SGCZ: variants seen among roughly 807,000 people sequenced by gnomAD.
SGCZ encodes the protein zeta-sarcoglycan.
A neutral mutation model predicts 41.3 loss-of-function variants in SGCZ; 40 were observed. The ratio of observed to expected loss-of-function variants is 0.97; its 90% CI spans 0.75 to 1.26. The LOEUF is 1.26. Ranked by LOEUF, SGCZ falls within the 50% of genes most tolerant of loss-of-function variation. The pLI is 0.00. For missense variants in SGCZ, 552 were observed against 369.8 expected (o/e 1.49, Z -4.04); for synonymous variants, 206 against 137.5 (o/e 1.50, Z -3.49).
At chr8:15,183,098 A>G (rs1328627050) in intron 1 of SGCZ, among the ~76,000 whole-genome samples, 4 of 152,208 alleles carry the variant, frequency 2.6e-5, no homozygotes, top group South Asian at 4.1e-4. Flanking sequence ...ATCTCCTAGG[A>G]TAACAATGCC....
At chr8:15,000,976 C>T (rs892581823) in intron 1 of SGCZ, among the ~76,000 whole-genome samples, 13 of 152,186 alleles carry the variant, frequency 8.5e-5, no homozygotes, top group African/African-American at 3.1e-4. Flanking sequence ...CTCAAGACAA[C>T]ATAGCCACTT....
intron 2 of SGCZ, among the ~76,000 whole-genome samples, chr8:14,388,716 A>G (rs1328795746): frequency 6.6e-6 from 1 of 152,088 alleles, no homozygotes; most frequent in African/African-American, 2.4e-5. Flanking sequence ...TGAACAAGCA[A>G]TGATGGAGTT....
At chr8:14,294,530 T>C (rs914255544) in intron 3 of SGCZ, among the ~76,000 whole-genome samples, 4 of 152,120 alleles carry the variant, frequency 2.6e-5, no homozygotes, top group Admixed American at 2.0e-4. Context: ...ACCAAAATCA[T>C]GAACCATAAA....
At chr8:14,724,139 T>A (rs1364355036) in intron 1 of SGCZ, among the ~76,000 whole-genome samples, 2 of 152,166 alleles carry the variant, frequency 1.3e-5, no homozygotes, top group Non-Finnish European at 2.9e-5. Flanking sequence ...TCTTTAGTAA[T>A]CATTCCAAGT....
intron 1 of SGCZ, among the ~76,000 whole-genome samples, chr8:14,704,909 G>A (rs1334974872): frequency 1.3e-5 from 2 of 151,862 alleles, no homozygotes; most frequent in Non-Finnish European, 2.9e-5. Flanking sequence ...TATAAGAATC[G>A]ATGCAACTAT....
At chr8:14,359,854 GA>G (rs1013691167) in intron 2 of SGCZ, among the ~76,000 whole-genome samples, 10 of 150,414 alleles carry the variant, frequency 6.6e-5, no homozygotes, top group African/African-American at 2.5e-4. Flanking sequence ...GAATACTGAT[GA>G]AAAAACATCA....
At position 14,952,057 on chromosome 8, in the gene SGCZ, T is replaced by A. The variant is rs533150415; in HGVS notation, c.39+285528A>T. The stretch of plus-strand genomic sequence containing the variant: ...GTTCACTCTGCATCTTGAAGTAAAA[T>A]ATTTTTTTCTCAACATTAAGATTTC... On this transcript the variant is annotated intron_variant, in intron 1 of 7. Transcript: ENST00000382080. 5.9e-5 allele frequency among the ~76,000 whole-genome samples: 9 copies of A among 152,232 alleles called. No homozygotes were observed. In the East Asian group the frequency reaches 9.7e-4, roughly 16 times the overall value.
At chr8:14,510,345 C>T (rs1473286729) in intron 2 of SGCZ, among the ~76,000 whole-genome samples, 1 of 151,980 alleles carries the variant, frequency 6.6e-6, no homozygotes, top group East Asian at 1.9e-4. Flanking sequence ...ATTCCACCTC[C>T]CATTGGAATT....
At position 14,326,111 on chromosome 8, in the gene SGCZ, CAAAAA is replaced by C. The variant is rs56152915; in HGVS notation, c.235-1912_235-1908del. Among the ~76,000 whole-genome samples, 20 of 37,908 alleles carry C rather than the reference CAAAAA, an allele frequency of 5.3e-4. 1 individual carries two copies. Among genetic ancestry groups the C allele is most frequent in the Admixed American group, 1.1e-3 (2 of 1,790 alleles). 24.9% of individuals were successfully genotyped at this position (37,908 alleles called of 152,430 possible). Reference sequence around the variant, plus strand: ...TGGGCGAAAGAGTGAGACTCCGTCTCAAAAAAAAAAAAAAAAAAAGATGAGGACGT... The same window carrying C: ...TGGGCGAAAGAGTGAGACTCCGTCTCAAAAAAAAAAAAAAGATGAGGACGT... On this transcript the variant is annotated intron_variant, in intron 2 of 7. Coordinates refer to ENST00000382080, the MANE Select transcript of SGCZ (RefSeq NM_139167.4).
intron 1 of SGCZ, among the ~76,000 whole-genome samples, chr8:14,619,248 G>C (rs1585130038): frequency 6.6e-6 from 1 of 152,074 alleles, no homozygotes; most frequent in Non-Finnish European, 1.5e-5. Context: ...CAACCTTCAT[G>C]CTAAAAACTC....
chr8:14,537,940 T>G (rs976767713), intron 2 of SGCZ, among the ~76,000 whole-genome samples: 1 of 151,904 alleles, frequency 6.6e-6, no homozygotes, highest in Non-Finnish European at 1.5e-5. Flanking sequence ...TTCGTTTGCT[T>G]TGCTTTGTTT....
chr8:14,290,423 T>C (rs1048282995), intron 3 of SGCZ, among the ~76,000 whole-genome samples: 27 of 151,972 alleles, frequency 1.8e-4, no homozygotes, highest in African/African-American at 5.8e-4. Flanking sequence ...GAGAATATAT[T>C]TGACAACTGC....
At chr8:14,994,756 G>T (rs1348982092) in intron 1 of SGCZ, among the ~76,000 whole-genome samples, 1 of 151,980 alleles carries the variant, frequency 6.6e-6, no homozygotes, top group Non-Finnish European at 1.5e-5. Context: ...ATGGATTTAT[G>T]TTCTATTTAT....
At chr8:15,061,040 G>T (rs1303308265) in intron 1 of SGCZ, among the ~76,000 whole-genome samples, 1 of 152,112 alleles carries the variant, frequency 6.6e-6, no homozygotes, top group East Asian at 1.9e-4. Context: ...CATTTCTACT[G>T]GCTATGATTG....
intron 2 of SGCZ, among the ~76,000 whole-genome samples, chr8:14,450,986 T>C (rs76486059): frequency 0.041 from 6,242 of 152,256 alleles, 400 homozygotes; most frequent in African/African-American, 0.14. Context: ...TATGATTCAA[T>C]GTGCTGTGCA....
chr8:14,246,313 G>A (rs1436931236), intron 3 of SGCZ, among the ~76,000 whole-genome samples: 1 of 151,998 alleles, frequency 6.6e-6, no homozygotes, highest in Non-Finnish European at 1.5e-5. Flanking sequence ...GGATGAAACT[G>A]GAAATCATCA....
At chr8:14,773,628 C>G (rs541521739) in intron 1 of SGCZ, among the ~76,000 whole-genome samples, 27 of 152,318 alleles carry the variant, frequency 1.8e-4, no homozygotes, top group African/African-American at 6.5e-4. Context: ...AATCAAATTA[C>G]TTCTCCTCTT....
At chr8:14,510,610 T>C (rs1362267041) in intron 2 of SGCZ, among the ~76,000 whole-genome samples, 6 of 152,114 alleles carry the variant, frequency 3.9e-5, no homozygotes, top group South Asian at 2.1e-4. Flanking sequence ...TCAGATTTTG[T>C]GAGTAAAATA....
chr8:14,980,005 T>A (rs945274372), intron 1 of SGCZ, among the ~76,000 whole-genome samples: 1 of 152,210 alleles, frequency 6.6e-6, no homozygotes, highest in African/African-American at 2.4e-5. Flanking sequence ...GTATCCTTCA[T>A]GACAAACTTA....
Sources: gnomAD v4.1 joint callset for allele counts (sites outside exome capture counted in the v4.1 genomes callset) on GRCh38, gnomAD v4.1.1 for gene constraint, MANE v1.5 for transcripts, NCBI Gene and HGNC (gene_info 2026-07-23, HGNC 2026-07-21) for gene names.